Variants in CHAT observed in about 807,000 individuals in gnomAD.
CHAT encodes choline O-acetyltransferase.
A neutral mutation model predicts 76.9 loss-of-function variants in CHAT; 61 were observed. That is an observed-to-expected ratio of 0.79 (90% confidence interval 0.65 to 0.98). The LOEUF (loss-of-function observed/expected upper bound fraction) is 0.98, where lower values mean the gene tolerates loss of function less well. Ranked by LOEUF, CHAT falls within the 50% of genes least tolerant of loss-of-function variation. CHAT has a pLI of 0.00. For synonymous variants in CHAT, 407 were observed against 397.4 expected (o/e 1.02, Z -0.29); for missense variants, 946 against 986.9 (o/e 0.96, Z 0.56).
intron 2 of CHAT, among the ~76,000 whole-genome samples, chr10:49,617,590 C>A (rs1382220944): frequency 6.6e-6 from 1 of 152,194 alleles, no homozygotes; most frequent in Non-Finnish European, 1.5e-5. Flanking sequence ...TCCCTGTTAG[C>A]CAGGCTAAGT....
At chr10:49,627,553 G>T (rs1048766140) in intron 6 of CHAT, 55 bp from the exon 7 acceptor site, 38 of 1,572,432 alleles carry the variant, frequency 2.4e-5, no homozygotes, top group Non-Finnish European at 3.2e-5. Context: ...CTGAGTGAAG[G>T]CCTGGTGCCA....
Position 49,614,327 on chromosome 10 carries a change from C to G in CHAT, c.138C>G (p.Gly46=), listed in dbSNP as rs1838394612. 3 of 1,547,420 alleles carry G rather than the reference C, an allele frequency of 1.9e-6. No homozygotes were observed. Among genetic ancestry groups the G allele is most frequent in the African/African-American group, 2.7e-5 (2 of 73,054 alleles). Residue 46 remains glycine, a synonymous_variant, in exon 1 of 15, where the codon GGC becomes GGG. Transcript: ENST00000337653. ...FLQSGGRGDP[G]DVGGPAGNPG... The stretch of plus-strand genomic sequence containing the variant: ...AGTCGGGTGGCCGCGGGGACCCGGG[C>G]GACGTCGGAGGCCCTGCCGGGAACC...
chr10:49,662,016 C>T (rs760601013), intron 13 of CHAT, among the ~76,000 whole-genome samples: 1 of 152,212 alleles, frequency 6.6e-6, no homozygotes, highest in Non-Finnish European at 1.5e-5. Flanking sequence ...GGGTCTAGTT[C>T]CTGTCTCAAA....
chr10:49,633,327 C>A (rs1839187242), intron 7 of CHAT, among the ~76,000 whole-genome samples: 1 of 152,216 alleles, frequency 6.6e-6, no homozygotes, highest in East Asian at 1.9e-4. Context: ...CGGATATTAG[C>A]AGAGCATCCA....
At chr10:49,654,691 T>A (rs1167006741) in intron 11 of CHAT, among the ~76,000 whole-genome samples, 1 of 152,254 alleles carries the variant, frequency 6.6e-6, no homozygotes, top group Non-Finnish European at 1.5e-5. Flanking sequence ...CTGGAGGTCA[T>A]GCTTGAATCA....
intron 7 of CHAT, among the ~76,000 whole-genome samples, chr10:49,634,142 A>G (rs1031095701): frequency 6.6e-6 from 1 of 152,186 alleles, no homozygotes; most frequent in African/African-American, 2.4e-5. Context: ...CTCCTTCAGT[A>G]GGAGAATGAA....
chr10:49,639,564 CACACATAT>C (rs777080191), intron 7 of CHAT, among the ~76,000 whole-genome samples: 4 of 120,678 alleles, frequency 3.3e-5, no homozygotes, highest in African/African-American at 1.2e-4. Flanking sequence ...CACACACACA[CACACATAT>C]GGGTGTGTGT....
rs1322961128 is a variant in CHAT at position 49,614,430 on chromosome 10, T to A, written c.241T>A (p.Trp81Arg). The A allele has an allele frequency of 6.5e-7, 1 of 1,547,352 alleles. No homozygotes were observed. Residue 81 changes from tryptophan (W) to arginine (R), a missense_variant, in exon 1 of 15, where the codon TGG becomes AGG. Transcript: ENST00000337653. ...TCACACCCCCGCCCACACTCCTGAG[T>A]GGTGCGGTGCAGCGTCGGCCGAGGC... ...PAHTPAHTPEWCGAASAEAAE... is the reference protein window; with the variant it reads ...PAHTPAHTPERCGAASAEAAE...
intron 1 of CHAT, 59 bp from the exon 2 acceptor site, chr10:49,616,443 G>C: frequency 7.5e-7 from 1 of 1,328,576 alleles, no homozygotes; most frequent in South Asian, 1.2e-5. Context: ...GGGAGGTGGA[G>C]GGTTTGTGAC....
chr10:49,644,321 C>T (rs1398943585), intron 7 of CHAT, among the ~76,000 whole-genome samples: 7 of 152,106 alleles, frequency 4.6e-5, no homozygotes, highest in Admixed American at 1.3e-4. Flanking sequence ...ATGGAGCCCA[C>T]GGTGCCATGT....
At chr10:49,637,078 T>A (rs1178108840) in intron 7 of CHAT, among the ~76,000 whole-genome samples, 1 of 152,004 alleles carries the variant, frequency 6.6e-6, no homozygotes, top group African/African-American at 2.4e-5. Flanking sequence ...ATTTGATTGA[T>A]CTTTTAAAAT....
chr10:49,650,312 T>C (rs1438487893), intron 10 of CHAT, among the ~76,000 whole-genome samples: 1 of 152,168 alleles, frequency 6.6e-6, no homozygotes, highest in Non-Finnish European at 1.5e-5. Flanking sequence ...CACTCCATAT[T>C]TGAGTGGAAT....
At position 49,616,061 on chromosome 10, in the gene CHAT, G is replaced by A. The variant is rs374523860; in HGVS notation, c.287-441G>A. The A allele has an allele frequency of 2.1e-5, 34 of 1,613,792 alleles. No homozygotes were observed. Among genetic ancestry groups the A allele is most frequent in the Admixed American group, 1.2e-4 (7 of 60,014 alleles). On this transcript the variant is annotated intron_variant, in intron 1 of 14. Coordinates refer to ENST00000337653, the MANE Select transcript of CHAT (RefSeq NM_020549.5). ...CCTACTCCACACCAGAGATGTGGCC[G>A]GAATGCAGAGATGAAGCACTGAGCA...
At chr10:49,623,726 G>GT (rs1838817247) in intron 5 of CHAT, among the ~76,000 whole-genome samples, 1 of 152,126 alleles carries the variant, frequency 6.6e-6, no homozygotes. Flanking sequence ...AGCCATGTCC[G>GT]TAAGTGCACC....
At chr10:49,653,425 CA>C (rs1464323347) in intron 11 of CHAT, among the ~76,000 whole-genome samples, 1 of 130,656 alleles carries the variant, frequency 7.7e-6, no homozygotes, top group Non-Finnish European at 1.8e-5. Context: ...CTCTGCCCTC[CA>C]ACCTGCTTTC....
intron 7 of CHAT, among the ~76,000 whole-genome samples, chr10:49,642,722 GT>G (rs1175634569): frequency 6.6e-6 from 1 of 152,268 alleles, no homozygotes; most frequent in African/African-American, 2.4e-5. Context: ...CTTTGGGGCT[GT>G]TTTTAAGGAT....
intron 4 of CHAT, among the ~76,000 whole-genome samples, chr10:49,621,282 G>C (rs1376926294): frequency 2.6e-5 from 4 of 152,136 alleles, no homozygotes; most frequent in African/African-American, 7.2e-5. Flanking sequence ...CTCTCCTCTG[G>C]GCAGGGCTTA....
chr10:49,641,842 GTATA>G (rs1440090214), intron 7 of CHAT, among the ~76,000 whole-genome samples: 1 of 152,198 alleles, frequency 6.6e-6, no homozygotes, highest in Non-Finnish European at 1.5e-5. Context: ...AAAGAGGGTG[GTATA>G]TGTCCGGGGG....
At chr10:49,636,315 T>C (rs1208351870) in intron 7 of CHAT, among the ~76,000 whole-genome samples, 2 of 152,112 alleles carry the variant, frequency 1.3e-5, no homozygotes, top group East Asian at 1.9e-4. Context: ...GCTACATTGA[T>C]TGATTTTCAG....
Sources: allele counts gnomAD v4.1 joint callset (sites outside exome capture counted in the v4.1 genomes callset), GRCh38; gene constraint gnomAD v4.1.1; transcripts MANE v1.5; gene names NCBI Gene and HGNC (gene_info 2026-07-23, HGNC 2026-07-21).